The following INTS10 variants were observed in gnomAD, a reference collection of about 807,000 sequenced individuals.
INTS10 encodes the protein chromosome 8 open reading frame 35.
A neutral mutation model predicts 94.4 loss-of-function variants in INTS10; 44 were observed. The ratio of observed to expected loss-of-function variants is 0.47; its 90% CI spans 0.37 to 0.60. The LOEUF (loss-of-function observed/expected upper bound fraction) is 0.60, where lower values mean the gene tolerates loss of function less well. Among genes scored for constraint, INTS10 ranks in the 20% least tolerant of loss-of-function variants. The probability of loss-of-function intolerance (pLI) is 0.00; values close to 1 mark genes in which losing one functional copy is unlikely to be tolerated. For synonymous variants in INTS10, 341 were observed against 320.7 expected, an observed-to-expected ratio of 1.06 and a Z score of -0.68; for missense variants, 797 against 868.7, an observed-to-expected ratio of 0.92 and a Z score of 1.04.
Position 19,826,482 on chromosome 8 carries a change from T to A in INTS10, c.1063T>A (p.Tyr355Asn). The change falls in exon 9 of 17, where the codon TAT (tyrosine) becomes AAT (asparagine). Residue 355 changes from tyrosine (Y) to asparagine (N), a missense_variant. Coordinates refer to ENST00000397977, the MANE Select transcript of INTS10 (RefSeq NM_018142.4). ...TCTTCTTGAAGATGTATCGAATGTGTATGGTGATGTAGAAATTGATCGTAA... is the reference window on the plus strand; with the variant it reads ...TCTTCTTGAAGATGTATCGAATGTGAATGGTGATGTAGAAATTGATCGTAA... ...LVLLEDVSNV[Y>N]GDVEIDRNKH... 6.2e-7 allele frequency: 1 copy of A among 1,613,244 alleles called. No individual in the cohort carries two copies. Among genetic ancestry groups the A allele is most frequent in the Non-Finnish European group, 8.5e-7 (1 of 1,179,720 alleles).
chr8:19,820,643 T>C, intron 4 of INTS10, 125 bp downstream of exon 4: 1 of 741,338 alleles, frequency 1.3e-6, no homozygotes, highest in Admixed American at 3.3e-5. Context: ...TGAACTGAAA[T>C]AGAAGGTTCT....
chr8:19,833,237 A>C lies in INTS10; in HGVS notation c.1446A>C (p.Pro482=). 1 of 1,612,930 alleles carries C rather than the reference A, an allele frequency of 6.2e-7. No individual in the cohort carries two copies. The highest frequency in any genetic ancestry group is 8.5e-7 in the Non-Finnish European group (1 of 1,179,472). ...CTCTCCAGGGATCCATTTCTCAGCC[A>C]CAGATCACAGGGCAGGGGACCCTGG... ...LAALQGSISQ[P]QITGQGTLEH... Residue 482 remains proline, a synonymous_variant, in exon 12 of 17, where the codon CCA becomes CCC. Transcript: ENST00000397977.
Position 19,846,034 on chromosome 8 carries a change from TAGACA to T in INTS10, c.1976+239_1976+243del, listed in dbSNP as rs2068551300. ...TTTGTCACATTTGCAACTTTTTCAC[TAGACA>T]AAAGTCTCATTCATGATATCTTTTA... On this transcript the variant is annotated intron_variant, in intron 16 of 16. Coordinates refer to ENST00000397977, the MANE Select transcript of INTS10 (RefSeq NM_018142.4). The surrounding 1 kb of genome is among the most constrained non-coding windows in gnomAD (Gnocchi z 4.2). 1.2e-5 allele frequency: 5 copies of T among 421,144 alleles called. No individual in the cohort carries two copies. The highest frequency in any genetic ancestry group is 3.6e-5 in the Admixed American group (1 of 27,660). 26.1% of individuals were successfully genotyped at this position (421,144 alleles called of 1,614,324 possible).
chr8:19,830,670 ATT>A, intron 10 of INTS10, 111 bp downstream of exon 10: 3 of 935,196 alleles, frequency 3.2e-6, no homozygotes, highest in Non-Finnish European at 3.1e-6. Flanking sequence ...TAGTTCATGC[ATT>A]TTTTTTTTCT....
intron 12 of INTS10, among the ~76,000 whole-genome samples, chr8:19,834,635 C>G (rs906953297): frequency 6.6e-6 from 1 of 152,182 alleles, no homozygotes; most frequent in African/African-American, 2.4e-5. Flanking sequence ...TTAGTTCCAA[C>G]CTCTGAGTAC....
intron 13 of INTS10, among the ~76,000 whole-genome samples, chr8:19,839,204 C>T (rs534162726): frequency 4.1e-4 from 62 of 152,170 alleles, no homozygotes; most frequent in African/African-American, 1.3e-3. Flanking sequence ...TCTTAGCAAA[C>T]TAGGAATAGA....
rs1201173693 is a variant in INTS10, at chr8:19,823,880, G to A, written c.672G>A (p.Gln224=). Residue 224 remains glutamine (Q), a synonymous_variant, in exon 7 of 17, where the codon CAG becomes CAA. Coordinates refer to ENST00000397977, the MANE Select transcript of INTS10 (RefSeq NM_018142.4). Reference sequence around the variant, plus strand: ...TTTTTTCTTACATCTCAGGCGCCCAGGATACATCTGATTTAATGTCACCTA... The same window carrying A: ...TTTTTTCTTACATCTCAGGCGCCCAAGATACATCTGATTTAATGTCACCTA... The part of the protein sequence containing the change: ...TQIENQHQGA[Q]DTSDLMSPSK... 9 of 1,603,134 alleles carry A rather than the reference G, an allele frequency of 5.6e-6. No homozygotes were observed. Among genetic ancestry groups the A allele is most frequent in the Non-Finnish European group, 7.6e-6 (9 of 1,176,574 alleles).
intron 3 of INTS10, among the ~76,000 whole-genome samples, chr8:19,819,900 A>G (rs2066235754): frequency 6.6e-6 from 1 of 152,226 alleles, no homozygotes; most frequent in Admixed American, 6.5e-5. Context: ...TTAATTGTAT[A>G]TATTTTTAAC....
At chr8:19,847,652 G>C (rs1419357383) in intron 16 of INTS10, among the ~76,000 whole-genome samples, 1 of 152,206 alleles carries the variant, frequency 6.6e-6, no homozygotes, top group African/African-American at 2.4e-5. Flanking sequence ...AGGTGTGAGA[G>C]ATGGATTGTC....
chr8:19,820,154 T>C lies in INTS10; in HGVS notation c.302-225T>C, dbSNP rs1411789225. 2.0e-5 allele frequency among the ~76,000 whole-genome samples: 3 copies of C among 151,080 alleles called. No homozygotes were observed. The Admixed American group carries it at 2.0e-4, about 10-fold the overall frequency. On this transcript the variant is annotated intron_variant, in intron 3 of 16. Transcript: ENST00000397977. ...GTGACCATTCACATACATCATTGTT[T>C]TTTGAATTTGATCAGTCTTGCAAAT...
Position 19,851,892 on chromosome 8 carries a change from G to C in INTS10, c.*87G>C, listed in dbSNP as rs2069066005. ...AGTGATTGCCATGGCACAGAGCCGT[G>C]GTCATTGTTGCTGTTACAAAGAAGA... On this transcript the variant is annotated 3_prime_UTR_variant, in exon 17 of 17. Transcript: ENST00000397977. This position sits in a 1 kb window ranked among gnomAD's most constrained non-coding sequence, Gnocchi z 5.0. 8.4e-7 allele frequency: 1 copy of C among 1,195,496 alleles called. No homozygotes were observed. The highest frequency in any genetic ancestry group is 2.4e-5 in the East Asian group (1 of 40,848). The allele number at this position is 1,195,496 out of a possible 1,614,324, so 74.1% of individuals were successfully genotyped here. A position where few individuals can be genotyped will look rare whatever the true frequency, so the allele number is the denominator to read the frequency against.
At chr8:19,824,485 C>A in intron 7 of INTS10, 1 of 193,630 alleles carries the variant, frequency 5.2e-6, no homozygotes, top group Non-Finnish European at 9.6e-6. Flanking sequence ...GAGTGAGACC[C>A]TGTCTCTAAA....
At chr8:19,828,935 C>G (rs1014731157) in intron 9 of INTS10, among the ~76,000 whole-genome samples, 2 of 151,980 alleles carry the variant, frequency 1.3e-5, no homozygotes, top group African/African-American at 4.8e-5. Flanking sequence ...GAACATGCAG[C>G]AGAACAGTGG....
intron 11 of INTS10, among the ~76,000 whole-genome samples, chr8:19,832,958 A>G (rs1016909123): frequency 6.6e-6 from 1 of 152,182 alleles, no homozygotes; most frequent in Non-Finnish European, 1.5e-5. Flanking sequence ...TCATCCTTAT[A>G]AAGTACCGCC....
chr8:19,823,210 A>G (rs2066523572), intron 5 of INTS10, 91 bp from the exon 6 acceptor site: 1 of 937,716 alleles, frequency 1.1e-6, no homozygotes, highest in Non-Finnish European at 1.7e-6. Flanking sequence ...TTTAGATACT[A>G]CATCAAATGA....
At position 19,851,797 on chromosome 8, in the gene INTS10, C is replaced by G. The variant is rs1030935969; in HGVS notation, c.2125C>G (p.Leu709Val). Reference sequence around the variant, plus strand: ...TGAGAAGATCTTGCTCCTTCAGACTCTGACCTGAGTGGAGACCTTTCCACC... The same window carrying G: ...TGAGAAGATCTTGCTCCTTCAGACTGTGACCTGAGTGGAGACCTTTCCACC... ...INEKILLLQT[L>V]T The change falls in exon 17 of 17, where the codon CTG becomes GTG. Residue 709 changes from leucine to valine, a missense_variant. Around this residue, in one of 3 missense-constraint regions of INTS10, gnomAD observed 47 missense variants for 41.8 expected, o/e 1.12. Coordinates refer to ENST00000397977, the MANE Select transcript of INTS10 (RefSeq NM_018142.4). This position sits in a 1 kb window ranked among gnomAD's most constrained non-coding sequence, Gnocchi z 5.0. 8 of 1,614,000 alleles carry G rather than the reference C, an allele frequency of 5.0e-6. No individual in the cohort carries two copies. In the Admixed American group the frequency reaches 8.3e-5, roughly 17 times the overall value.
chr8:19,845,691 A>G lies in INTS10; in HGVS notation c.1883-13A>G, dbSNP rs768609140. On this transcript the variant is annotated splice_polypyrimidine_tract_variant and intron_variant, in intron 15 of 16. Transcript: ENST00000397977. ...CTTTTTTTACATGTGGTTAACCTGA[A>G]TCTGGCCTGCAGATATTGATATGCT... 4.4e-6 allele frequency: 7 copies of G among 1,601,362 alleles called. No individual in the cohort carries two copies. The highest frequency in any genetic ancestry group is 2.2e-5 in the South Asian group (2 of 90,828).
chr8:19,834,446 G>A (rs533732066), intron 12 of INTS10, among the ~76,000 whole-genome samples: 1 of 152,164 alleles, frequency 6.6e-6, no homozygotes, highest in South Asian at 2.1e-4. Context: ...TTAACTCTAA[G>A]TTTTAATTAA....
At chr8:19,832,481 G>A (rs2067305006) in intron 11 of INTS10, among the ~76,000 whole-genome samples, 1 of 152,076 alleles carries the variant, frequency 6.6e-6, no homozygotes, top group African/African-American at 2.4e-5. Context: ...GAGGCGGGAG[G>A]ATCACTTGAG....
Sources: gnomAD v4.1 joint callset for allele counts (sites outside exome capture counted in the v4.1 genomes callset) on GRCh38, gnomAD v4.1.1 for gene constraint, gnomAD v4.1.1 regional missense constraint, Gnocchi (gnomAD v3.1) non-coding constraint, MANE v1.5 for transcripts, NCBI Gene and HGNC (gene_info 2026-07-23, HGNC 2026-07-21) for gene names.